Variants in TMC1 observed in about 807,000 individuals in gnomAD.
TMC1 encodes transmembrane channel like 1.
TMC1 carries 84 observed loss-of-function variants against 105.8 expected under a neutral mutation model. The observed-to-expected ratio is 0.79, with a 90% CI of 0.67 to 0.95. The LOEUF is 0.95. TMC1 is among the 40% of genes least tolerant of loss of function. The pLI, the probability that TMC1 is intolerant of heterozygous loss-of-function variation, is 0.00. For synonymous variants in TMC1, 315 were observed against 311.5 expected (o/e 1.01, Z -0.12); for missense variants, 817 against 914.1 (o/e 0.89, Z 1.37).
intron 5 of TMC1, among the ~76,000 whole-genome samples, chr9:72,669,349 A>C (rs1479116853): frequency 6.6e-6 from 1 of 152,206 alleles, no homozygotes; most frequent in Non-Finnish European, 1.5e-5. Flanking sequence ...AAAGTACAGA[A>C]AATATCTAAA....
At chr9:72,579,876 G>T (rs1217128112) in intron 2 of TMC1, among the ~76,000 whole-genome samples, 1 of 151,814 alleles carries the variant, frequency 6.6e-6, no homozygotes, top group Non-Finnish European at 1.5e-5. Flanking sequence ...ACGAAAATTA[G>T]CCAGTCTCAT....
rs185713819 is a variant in TMC1, at chr9:72,714,099, G to A, written c.362+13456G>A. On this transcript the variant is annotated intron_variant, in intron 8 of 23. Transcript: ENST00000297784. ...AGTTTTGAGTGAGTTTCTTAATCCT[G>A]AGTTCTAATTTGATTGCACTGTGGT... 2.2e-3 allele frequency among the ~76,000 whole-genome samples: 332 copies of A among 152,254 alleles called. 3 individuals are homozygous for A. The highest frequency in any genetic ancestry group is 7.7e-3 in the African/African-American group (321 of 41,562).
intron 10 of TMC1, among the ~76,000 whole-genome samples, chr9:72,745,506 T>A (rs1181305825): frequency 6.6e-6 from 1 of 152,202 alleles, no homozygotes; most frequent in Non-Finnish European, 1.5e-5. Context: ...CATTTTCTCA[T>A]GTATTTACTT....
rs896125209 is a variant in TMC1 at position 72,641,810 on chromosome 9, C to CTTT, written c.-52-6764_-52-6762dup. Among the ~76,000 whole-genome samples the CTTT allele has an allele frequency of 6.6e-3, 573 of 86,994 alleles. 9 individuals carry two copies. The highest frequency in any genetic ancestry group is 9.7e-3 in the African/African-American group (205 of 21,080). 57.1% of individuals were successfully genotyped at this position (86,994 alleles called of 152,430 possible). ...ATATGCTTATAAGGTAGTCCCAAAT[C>CTTT]TTTTTTTTTTTTTTTTTTTTTTTTT... On this transcript the variant is annotated intron_variant, in intron 4 of 23. Transcript: ENST00000297784.
In TMC1 at chr9:72,593,260, G is replaced by A. The variant is rs13283254; in HGVS notation, c.-306+15237G>A. Among the ~76,000 whole-genome samples the A allele has an allele frequency of 9.9e-3, 1,508 of 152,262 alleles. 9 individuals are homozygous for A. The highest frequency in any genetic ancestry group is 0.017 in the Non-Finnish European group (1,169 of 68,010). ...AAACAGAAACAGGCAAAAATCTGGC[G>A]GAGTGTGGTGGCTCATGCCTGCAAT... On this transcript the variant is annotated intron_variant, in intron 2 of 23. Transcript: ENST00000297784.
At chr9:72,647,547 G>A (rs372609554) in intron 4 of TMC1, among the ~76,000 whole-genome samples, 26 of 152,216 alleles carry the variant, frequency 1.7e-4, no homozygotes, top group African/African-American at 5.5e-4. Context: ...ATAAATACTT[G>A]TATCAGCTGT....
intron 20 of TMC1, among the ~76,000 whole-genome samples, chr9:72,821,502 C>CAAAAAAAAA (rs35069464): frequency 9.5e-6 from 1 of 105,552 alleles, no homozygotes. Context: ...AACTCTGTCT[C>CAAAAAAAAA]AAAAAAAAAA....
chr9:72,755,505 G>A lies in TMC1; in HGVS notation c.741+621G>A, dbSNP rs74514368. Among the ~76,000 whole-genome samples, 413 of 152,236 alleles carry A rather than the reference G, an allele frequency of 2.7e-3. 1 individual carries two copies. The highest frequency in any genetic ancestry group is 8.0e-3 in the African/African-American group (334 of 41,544). ...TTATTCCATTGTAGTATTCAAATGA[G>A]CATTACTCCTTGAGCTCCCTTAGGT... On this transcript the variant is annotated intron_variant, in intron 12 of 23. Transcript: ENST00000297784.
chr9:72,686,668 T>A (rs1231844866), intron 5 of TMC1, among the ~76,000 whole-genome samples: 1 of 152,180 alleles, frequency 6.6e-6, no homozygotes, highest in African/African-American at 2.4e-5. Context: ...ACAATGACTA[T>A]AAAACATGAC....
intron 1 of TMC1, among the ~76,000 whole-genome samples, chr9:72,524,532 T>C (rs951471300): frequency 6.6e-6 from 1 of 152,206 alleles, no homozygotes; most frequent in Non-Finnish European, 1.5e-5. Context: ...TTGATCACTA[T>C]AACAACCCAA....
chr9:72,602,583 C>T (rs1223493493), intron 2 of TMC1, among the ~76,000 whole-genome samples: 1 of 151,962 alleles, frequency 6.6e-6, no homozygotes, highest in Non-Finnish European at 1.5e-5. Context: ...CCATGTTGGC[C>T]ATGTGGATCT....
intron 8 of TMC1, among the ~76,000 whole-genome samples, chr9:72,718,832 C>G (rs2117938317): frequency 6.6e-6 from 1 of 152,190 alleles, no homozygotes; most frequent in East Asian, 1.9e-4. Context: ...CAGGTGGGAG[C>G]AGGGTTAGGT....
At chr9:72,607,002 T>TATATATATAG (rs372785242) in intron 2 of TMC1, among the ~76,000 whole-genome samples, 17 of 134,972 alleles carry the variant, frequency 1.3e-4, no homozygotes, top group African/African-American at 4.8e-4. Context: ...TATATATATA[T>TATATATATAG]AGAGAGAGAG....
chr9:72,807,222 C>T (rs970055535), intron 18 of TMC1, among the ~76,000 whole-genome samples: 3 of 152,150 alleles, frequency 2.0e-5, no homozygotes, highest in African/African-American at 7.2e-5. Context: ...AGCTTCGGCT[C>T]AGCATGAGAG....
chr9:72,792,903 G>C (rs920288089), intron 17 of TMC1, among the ~76,000 whole-genome samples: 2 of 152,154 alleles, frequency 1.3e-5, no homozygotes, highest in Non-Finnish European at 2.9e-5. Flanking sequence ...GACCCATGGA[G>C]AGCAGAGAAA....
At chr9:72,587,153 C>T (rs900532297) in intron 2 of TMC1, among the ~76,000 whole-genome samples, 1 of 138,850 alleles carries the variant, frequency 7.2e-6, no homozygotes, top group Non-Finnish European at 1.5e-5. Context: ...GGTTATGTAA[C>T]AGATAACTTT....
chr9:72,545,067 C>T (rs1823741702), intron 1 of TMC1, among the ~76,000 whole-genome samples: 1 of 151,872 alleles, frequency 6.6e-6, no homozygotes, highest in African/African-American at 2.4e-5. Context: ...TCTCCAATTC[C>T]ACCCAGGTTG....
At chr9:72,788,143 A>C (rs1275578294) in intron 13 of TMC1, among the ~76,000 whole-genome samples, 196 bp from the exon 14 acceptor site, 3 of 152,258 alleles carry the variant, frequency 2.0e-5, no homozygotes, top group African/African-American at 7.2e-5. Context: ...GAAGGCCTAG[A>C]AAGTGAATAA....
chr9:72,813,836 T>C (rs566738694), intron 18 of TMC1, among the ~76,000 whole-genome samples: 3 of 152,306 alleles, frequency 2.0e-5, no homozygotes, highest in Non-Finnish European at 4.4e-5. Context: ...AAGTCTAAAA[T>C]GCAGGTTTGA....
Sources: allele counts gnomAD v4.1 joint callset (sites outside exome capture counted in the v4.1 genomes callset), GRCh38; gene constraint gnomAD v4.1.1; transcripts MANE v1.5; gene names NCBI Gene and HGNC (gene_info 2026-07-23, HGNC 2026-07-21).